The following CRACDL variants were observed in gnomAD, a reference collection of about 807,000 sequenced individuals.
The protein encoded by CRACDL is CRACD like, also known as CRACD-like protein.
A neutral mutation model predicts 70.6 loss-of-function variants in CRACDL; 26 were observed. The ratio of observed to expected loss-of-function variants is 0.37; its 90% CI spans 0.27 to 0.51. The LOEUF is 0.51. Ranked by LOEUF, CRACDL falls within the 20% of genes least tolerant of loss-of-function variation. The pLI, the probability that CRACDL is intolerant of heterozygous loss-of-function variation, is 0.94. For missense variants in CRACDL, 1,283 were observed against 1,376.9 expected (o/e 0.93, Z 1.08); for synonymous variants, 618 against 615.2 (o/e 1.00, Z -0.07).
intron 2 of CRACDL, among the ~76,000 whole-genome samples, chr2:98,845,502 C>T (rs549739751): frequency 6.6e-6 from 1 of 152,214 alleles, no homozygotes; most frequent in South Asian, 2.1e-4. Flanking sequence ...GCCCATTTTC[C>T]TTTCAATTCT....
At chr2:98,914,827 C>G (rs1485276287) in intron 1 of CRACDL, among the ~76,000 whole-genome samples, 1 of 152,234 alleles carries the variant, frequency 6.6e-6, no homozygotes, top group African/African-American at 2.4e-5. Context: ...CCTGGGCAGC[C>G]AGCCTCTCTT....
intron 1 of CRACDL, among the ~76,000 whole-genome samples, chr2:98,903,274 T>C (rs987997540): frequency 7.2e-5 from 11 of 152,150 alleles, no homozygotes; most frequent in African/African-American, 2.4e-4. Context: ...CACTGCTGCA[T>C]AGACTCACGG....
In CRACDL at chr2:98,796,108, C is replaced by T; in HGVS notation, c.2749+12G>A. 1 of 1,610,896 alleles carries T rather than the reference C, an allele frequency of 6.2e-7. No homozygotes were observed. Among genetic ancestry groups the T allele is most frequent in the Non-Finnish European group, 8.5e-7 (1 of 1,177,148 alleles). ...ATTTCAAAGTATGTGGTAATGTTTGCAGATTTCATACCCAAGTTCTGATGG... is the reference window on the plus strand; with the variant it reads ...ATTTCAAAGTATGTGGTAATGTTTGTAGATTTCATACCCAAGTTCTGATGG... On this transcript the variant is annotated intron_variant, in intron 9 of 9. Coordinates refer to ENST00000397899, the MANE Select transcript of CRACDL (RefSeq NM_207362.3).
chr2:98,849,038 C>T (rs997674402), intron 1 of CRACDL, among the ~76,000 whole-genome samples: 7 of 152,214 alleles, frequency 4.6e-5, no homozygotes, highest in African/African-American at 1.4e-4. Flanking sequence ...ACGTGGTTCC[C>T]ACCTCTTGCA....
chr2:98,907,857 C>T (rs1326759783), intron 1 of CRACDL, among the ~76,000 whole-genome samples: 4 of 152,160 alleles, frequency 2.6e-5, no homozygotes, highest in Non-Finnish European at 5.9e-5. Flanking sequence ...CTGGTTGCTG[C>T]ATAGAAGAAA....
intron 1 of CRACDL, among the ~76,000 whole-genome samples, chr2:98,849,465 C>A (rs1706393210): frequency 6.6e-6 from 1 of 152,134 alleles, no homozygotes; most frequent in Non-Finnish European, 1.5e-5. Flanking sequence ...TCCTGCCAAG[C>A]CCGGATCAGT....
At chr2:98,890,234 C>A (rs1707926019) in intron 1 of CRACDL, among the ~76,000 whole-genome samples, 1 of 151,860 alleles carries the variant, frequency 6.6e-6, no homozygotes, top group African/African-American at 2.4e-5. Flanking sequence ...TTGAAAAGAC[C>A]AATGAAATCA....
At chr2:98,831,719 C>A (rs149206042) in intron 5 of CRACDL, among the ~76,000 whole-genome samples, 3 of 152,296 alleles carry the variant, frequency 2.0e-5, no homozygotes, top group Admixed American at 6.5e-5. Flanking sequence ...TGTTTATGCA[C>A]GAGAAAGAGC....
chr2:98,824,572 G>A (rs1297360851), intron 6 of CRACDL, among the ~76,000 whole-genome samples: 5 of 152,132 alleles, frequency 3.3e-5, no homozygotes, highest in Non-Finnish European at 7.4e-5. Context: ...TGGAAATGAC[G>A]AAAAGGTTGA....
chr2:98,808,198 T>C (rs149064424), intron 7 of CRACDL, among the ~76,000 whole-genome samples: 3 of 152,354 alleles, frequency 2.0e-5, no homozygotes, highest in Non-Finnish European at 4.4e-5. Context: ...CCAGACGTAC[T>C]GGGTGGGAAG....
intron 1 of CRACDL, among the ~76,000 whole-genome samples, chr2:98,927,351 C>T (rs774139583): frequency 2.0e-5 from 3 of 152,224 alleles, no homozygotes; most frequent in African/African-American, 7.2e-5. Flanking sequence ...CCTGAGCATG[C>T]GGCCAAGGCC....
rs1173322192 is a variant in CRACDL at position 98,866,475 on chromosome 2, C to CTTTTTTTTTTTTTTT, written c.-10-19680_-10-19666dup. Among the ~76,000 whole-genome samples the CTTTTTTTTTTTTTTT allele has an allele frequency of 9.2e-4, 40 of 43,260 alleles. 3 individuals carry two copies. Among genetic ancestry groups the CTTTTTTTTTTTTTTT allele is most frequent in the African/African-American group, 3.8e-3 (38 of 9,990 alleles). 28.4% of individuals were successfully genotyped at this position (43,260 alleles called of 152,430 possible). ...CTGATAGATGAAACAATCACTTCTTCTTTTTTTTTTTTTTTTTTTTTTTTT... is the reference window on the plus strand; with the variant it reads ...CTGATAGATGAAACAATCACTTCTTCTTTTTTTTTTTTTTTTTTTTTTTTTTTTTTTTTTTTTTTT... On this transcript the variant is annotated intron_variant, in intron 1 of 9. Transcript: ENST00000397899.
chr2:98,929,440 C>T (rs1473178797), intron 1 of CRACDL, among the ~76,000 whole-genome samples: 2 of 152,196 alleles, frequency 1.3e-5, no homozygotes, highest in Non-Finnish European at 2.9e-5. Flanking sequence ...CCCAGTATGC[C>T]TCAGACTCCA....
intron 1 of CRACDL, among the ~76,000 whole-genome samples, chr2:98,900,499 T>C (rs533705952): frequency 2.6e-5 from 4 of 152,104 alleles, no homozygotes; most frequent in African/African-American, 9.6e-5. Flanking sequence ...ACACCTCCAA[T>C]ACCCTCCTCC....
At chr2:98,843,784 A>C (rs1706134229) in intron 2 of CRACDL, among the ~76,000 whole-genome samples, 1 of 152,216 alleles carries the variant, frequency 6.6e-6, no homozygotes, top group African/African-American at 2.4e-5. Context: ...AGTCTTAAAA[A>C]CAGGTAGTAT....
intron 7 of CRACDL, among the ~76,000 whole-genome samples, chr2:98,806,215 G>A (rs993928008): frequency 1.3e-5 from 2 of 152,232 alleles, no homozygotes; most frequent in African/African-American, 4.8e-5. Flanking sequence ...TTTGGTTGTT[G>A]TCAGGGCCCC....
In CRACDL at chr2:98,821,932, CG is replaced by C; in HGVS notation, c.2340del (p.Asp781ThrfsTer73). 6 of 1,567,748 alleles carry C rather than the reference CG, an allele frequency of 3.8e-6. No homozygotes were observed. Among genetic ancestry groups the C allele is most frequent in the South Asian group, 1.2e-5 (1 of 85,184 alleles). ...GGTTCCCGCTCTCCCGGGCCGGCGT[CG>C]GGGGGCGCGGGCTGGTGCGGGAGCG... ...SFTLPHQPAP[P>X]DAGPGEREPR... is the part of the protein sequence containing the mutation. On this transcript the variant is annotated frameshift_variant, in exon 7 of 10. Transcript: ENST00000397899. LOFTEE classifies it high-confidence loss of function.
chr2:98,922,270 C>A (rs1216428040), intron 1 of CRACDL, among the ~76,000 whole-genome samples: 1 of 151,674 alleles, frequency 6.6e-6, no homozygotes, highest in Non-Finnish European at 1.5e-5. Context: ...CCCGTCTCTA[C>A]TAAAATACAA....
chr2:98,794,688 C>A lies in CRACDL; in HGVS notation c.2750-17G>T. The A allele has an allele frequency of 6.3e-7, 1 of 1,588,632 alleles. No homozygotes were observed. Among genetic ancestry groups the A allele is most frequent in the Non-Finnish European group, 8.6e-7 (1 of 1,161,360 alleles). On this transcript the variant is annotated splice_polypyrimidine_tract_variant and intron_variant, in intron 9 of 9. Transcript: ENST00000397899. ...CAGACTGAGCTGCTTGGAAGGGAGA[C>A]AAAACCAACAGAAACATGAGCAGTG...
Sources: allele counts gnomAD v4.1 joint callset (sites outside exome capture counted in the v4.1 genomes callset), GRCh38; gene constraint gnomAD v4.1.1; transcripts MANE v1.5; gene names NCBI Gene and HGNC (gene_info 2026-07-23, HGNC 2026-07-21).